DOCK9: variants seen among roughly 807,000 people sequenced by gnomAD.
DOCK9 encodes the protein dedicator of cytokinesis protein 9.
In DOCK9, 89 loss-of-function variants were observed where a neutral mutation model predicts 263.3. The observed-to-expected ratio is 0.34, with a 90% CI of 0.28 to 0.40. DOCK9 has a LOEUF of 0.40. DOCK9 is among the 10% of genes least tolerant of loss of function. DOCK9 has a pLI of 1.00. For missense variants in DOCK9, 2,140 were observed against 2,603.4 expected (o/e 0.82, Z 3.87); for synonymous variants, 976 against 973.1 (o/e 1.00, Z -0.06).
intron 38 of DOCK9, chr13:98,845,499 T>G: frequency 2.0e-6 from 1 of 505,136 alleles, no homozygotes; most frequent in Non-Finnish European, 3.2e-6. Flanking sequence ...AATGTCAGAA[T>G]GTGGACGCTT....
chr13:98,816,002 A>G (rs372800044), intron 45 of DOCK9, among the ~76,000 whole-genome samples: 1 of 152,152 alleles, frequency 6.6e-6, no homozygotes, highest in South Asian at 2.1e-4. Context: ...AGAGTTACCA[A>G]AGTTACAACT....
At chr13:98,838,037 G>A (rs1016109081) in intron 38 of DOCK9, among the ~76,000 whole-genome samples, 7 of 152,286 alleles carry the variant, frequency 4.6e-5, no homozygotes, top group South Asian at 4.1e-4. Context: ...GTGGAGACAG[G>A]ACTTGGACCA....
At chr13:98,810,021 C>T (rs1303707101) in intron 46 of DOCK9, 148 bp downstream of exon 46, 3 of 1,154,942 alleles carry the variant, frequency 2.6e-6, no homozygotes, top group African/African-American at 3.1e-5. Flanking sequence ...GATGACTGGC[C>T]ACCACCTTCA....
chr13:98,979,566 T>G (rs537316132), upstream of DOCK9, among the ~76,000 whole-genome samples: 1 of 152,144 alleles, frequency 6.6e-6, no homozygotes, highest in Non-Finnish European at 1.5e-5. Context: ...ATATCAATTA[T>G]GTAACGATCT....
intron 45 of DOCK9, among the ~76,000 whole-genome samples, chr13:98,820,428 A>C (rs1298263212): frequency 6.6e-6 from 1 of 152,232 alleles, no homozygotes; most frequent in Admixed American, 6.5e-5. Context: ...GTCCCAATCC[A>C]GATCCCAAGA....
chr13:98,886,486 C>G, intron 19 of DOCK9, 46 bp downstream of exon 19: 1 of 1,559,106 alleles, frequency 6.4e-7, no homozygotes, highest in Non-Finnish European at 8.8e-7. Flanking sequence ...TTAAAGTTTC[C>G]CTTAAAACTG....
At chr13:98,966,484 C>G (rs1473865983) in intron 1 of DOCK9, among the ~76,000 whole-genome samples, 2 of 152,236 alleles carry the variant, frequency 1.3e-5, no homozygotes, top group African/African-American at 2.4e-5. Flanking sequence ...AATTCTATCT[C>G]AAATCTAGAC....
At chr13:98,838,658 G>C (rs1423880255) in intron 38 of DOCK9, among the ~76,000 whole-genome samples, 1 of 152,180 alleles carries the variant, frequency 6.6e-6, no homozygotes, top group Non-Finnish European at 1.5e-5. Flanking sequence ...ATTAAATTAT[G>C]AAATGGTATG....
chr13:99,029,696 T>C lies in DOCK9; in HGVS notation c.129+56527A>G, dbSNP rs141218213. On this transcript the variant is annotated intron_variant, in intron 1 of 32. Transcript: ENST00000427887. Reference sequence around the variant, plus strand: ...CTGACATAGTGAGTGTTGGCAAGGATGTAGAGTAAGTGAAACCCTCATACA... The same window carrying C: ...CTGACATAGTGAGTGTTGGCAAGGACGTAGAGTAAGTGAAACCCTCATACA... Among the ~76,000 whole-genome samples, 487 of 152,336 alleles carry C rather than the reference T, an allele frequency of 3.2e-3. 3 individuals carry two copies. Among genetic ancestry groups the C allele is most frequent in the African/African-American group, 0.011 (460 of 41,566 alleles).
At chr13:99,051,537 T>C (rs1487232865) in intron 1 of DOCK9, among the ~76,000 whole-genome samples, 1 of 152,080 alleles carries the variant, frequency 6.6e-6, no homozygotes, top group Admixed American at 6.5e-5. Flanking sequence ...GAAAAATACA[T>C]CTTTTCAATA....
chr13:98,959,721 AAG>A (rs1410628913), intron 1 of DOCK9, among the ~76,000 whole-genome samples: 1 of 152,198 alleles, frequency 6.6e-6, no homozygotes, highest in East Asian at 1.9e-4. Context: ...GGAAAACGAA[AAG>A]AGAGGCAGGG....
intron 7 of DOCK9, among the ~76,000 whole-genome samples, chr13:98,918,418 A>T (rs2051259428): frequency 6.6e-6 from 1 of 152,254 alleles, no homozygotes; most frequent in African/African-American, 2.4e-5. Context: ...CATTAGGCAT[A>T]TATTTTCTAT....
intron 1 of DOCK9, among the ~76,000 whole-genome samples, chr13:99,003,784 T>C (rs992097364): frequency 3.3e-5 from 5 of 152,178 alleles, no homozygotes; most frequent in Non-Finnish European, 7.4e-5. Flanking sequence ...AGTGTTCCTG[T>C]CTTGAGACCT....
chr13:99,007,262 C>T (rs1299969733), intron 1 of DOCK9, among the ~76,000 whole-genome samples: 1 of 151,854 alleles, frequency 6.6e-6, no homozygotes, highest in Admixed American at 6.6e-5. Context: ...GTGGCACGTG[C>T]CTGTAATCCC....
chr13:98,855,811 T>C (rs1415855441), intron 34 of DOCK9, 87 bp downstream of exon 34: 8 of 1,527,098 alleles, frequency 5.2e-6, no homozygotes, highest in Non-Finnish European at 6.3e-6. Context: ...AGGTCACACT[T>C]AAAAGGCACT....
chr13:98,832,081 C>A (rs2092787687), intron 39 of DOCK9: 1 of 279,808 alleles, frequency 3.6e-6, no homozygotes, highest in Non-Finnish European at 6.7e-6. Context: ...TACTGTCCAC[C>A]AGCAGCTGAT....
chr13:98,845,792 G>T, intron 38 of DOCK9, 132 bp downstream of exon 38: 2 of 1,213,402 alleles, frequency 1.6e-6, no homozygotes, highest in Non-Finnish European at 1.2e-6. Context: ...TGTGCCATGA[G>T]CTCTTCATCC....
chr13:98,927,640 A>G (rs1458949134), intron 3 of DOCK9, among the ~76,000 whole-genome samples: 1 of 151,384 alleles, frequency 6.6e-6, no homozygotes, highest in African/African-American at 2.4e-5. Context: ...TTTTTTTTTA[A>G]GACGGAATCT....
At chr13:98,922,633 G>C (rs1425628645) in intron 5 of DOCK9, among the ~76,000 whole-genome samples, 1 of 152,190 alleles carries the variant, frequency 6.6e-6, no homozygotes, top group East Asian at 1.9e-4. Context: ...ATAAAGTGAT[G>C]GGGGGAATAA....
Sources: allele counts gnomAD v4.1 joint callset (sites outside exome capture counted in the v4.1 genomes callset), GRCh38; gene constraint gnomAD v4.1.1; transcripts MANE v1.5; gene names NCBI Gene and HGNC (gene_info 2026-07-23, HGNC 2026-07-21).